Variants in IDE observed in about 807,000 individuals in gnomAD.
IDE encodes the protein insulin degrading enzyme.
A neutral mutation model predicts 133.2 loss-of-function variants in IDE; 58 were observed. That is an observed-to-expected ratio of 0.44 (90% CI 0.35 to 0.54). IDE has a LOEUF of 0.54. Ranked by LOEUF, IDE falls within the 20% of genes least tolerant of loss-of-function variation. The probability of loss-of-function intolerance (pLI) is 0.00; values close to 1 mark genes in which losing one functional copy is unlikely to be tolerated. For synonymous variants in IDE, 396 were observed against 421.3 expected (o/e 0.94, Z 0.73); for missense variants, 981 against 1,234.0 (o/e 0.79, Z 3.07).
In IDE at chr10:92,534,599, T is replaced by C. The variant is rs776329082; in HGVS notation, c.470A>G (p.His157Arg). 3 of 1,613,162 alleles carry C rather than the reference T, an allele frequency of 1.9e-6. No individual in the cohort carries two copies. The highest frequency in any genetic ancestry group is 2.5e-6 in the Non-Finnish European group (3 of 1,179,234). Residue 157 changes from histidine (H) to arginine (R), a missense_variant, in exon 3 of 25, where the codon CAC becomes CGC. Physicochemically the swap from His to Arg is conservative, Grantham distance 29. Transcript: ENST00000265986. ...TTACCTGTCTAGGGCACCTTCTAGG[T>C]GTTCATGAGAAACATCAAAATAGTA... ...TNYYFDVSHE[H>R]LEGALDRFAQ...
rs1847281368 is a variant in IDE at position 92,490,551 on chromosome 10, G to A, written c.1475C>T (p.Thr492Ile). ...SKSFEGKTDR[T>I]EEWYGTQYKQ... is the part of the protein sequence containing the mutation. Reference sequence around the variant, plus strand: ...GTACTGGGTTCCATACCACTCTTCTGTGCGATCAGTTTTTCCTTCAAAAGA... The same window carrying A: ...GTACTGGGTTCCATACCACTCTTCTATGCGATCAGTTTTTCCTTCAAAAGA... The change falls in exon 12 of 25, where the codon ACA becomes ATA. Residue 492 changes from threonine (T) to isoleucine (I), a missense_variant. Physicochemically the swap from Thr to Ile is moderately conservative, Grantham distance 89. Around this residue, in one of 2 missense-constraint regions of IDE, gnomAD observed 660 missense variants for 894.7 expected, o/e 0.74. Coordinates refer to ENST00000265986, the MANE Select transcript of IDE (RefSeq NM_004969.4). 6.2e-7 allele frequency: 1 copy of A among 1,613,066 alleles called. No homozygotes were observed. The highest frequency in any genetic ancestry group is 8.5e-7 in the Non-Finnish European group (1 of 1,179,270).
intron 17 of IDE, chr10:92,474,554 A>G (rs989062294): frequency 5.0e-6 from 1 of 198,454 alleles, no homozygotes; most frequent in African/African-American, 2.3e-5. Context: ...ATATACATAT[A>G]ATGTATAGTG....
intron 11 of IDE, among the ~76,000 whole-genome samples, chr10:92,494,767 C>T (rs111671425): frequency 1.3e-5 from 2 of 152,296 alleles, no homozygotes; most frequent in Admixed American, 6.5e-5. Flanking sequence ...AACAAAAGGT[C>T]TCCTGACTAC....
chr10:92,526,568 G>T (rs2135640423), intron 4 of IDE, among the ~76,000 whole-genome samples: 1 of 152,230 alleles, frequency 6.6e-6, no homozygotes, highest in African/African-American at 2.4e-5. Context: ...TTAAGAGGCT[G>T]GGCATGATGG....
chr10:92,514,773 C>T, intron 5 of IDE, 147 bp downstream of exon 5: 1 of 592,240 alleles, frequency 1.7e-6, no homozygotes, highest in South Asian at 3.3e-5. Context: ...AAATCCCCAC[C>T]TATGTATTCT....
At chr10:92,483,404 A>T in intron 13 of IDE, 67 bp from the exon 14 acceptor site, 1 of 842,104 alleles carries the variant, frequency 1.2e-6, no homozygotes, top group Non-Finnish European at 2.0e-6. Flanking sequence ...CAATCAAATC[A>T]CTCTTCAAGA....
intron 1 of IDE, among the ~76,000 whole-genome samples, chr10:92,567,705 G>A (rs1843620040): frequency 1.3e-5 from 2 of 152,156 alleles, no homozygotes; most frequent in Admixed American, 1.3e-4. Context: ...TGGTTGTGGT[G>A]GCTTATGCCT....
intron 1 of IDE, among the ~76,000 whole-genome samples, chr10:92,571,074 G>T (rs1401096697): frequency 4.0e-5 from 6 of 151,520 alleles, no homozygotes; most frequent in African/African-American, 1.5e-4. Context: ...CCGCCTCCTG[G>T]GTTCAAGCGA....
intron 17 of IDE, among the ~76,000 whole-genome samples, chr10:92,473,607 T>G (rs1846094844): frequency 6.6e-6 from 1 of 151,480 alleles, no homozygotes; most frequent in Non-Finnish European, 1.5e-5. Flanking sequence ...TGAACTGATC[T>G]AAGGATGCTA....
chr10:92,569,835 C>A (rs75798317), intron 1 of IDE, among the ~76,000 whole-genome samples: 4,786 of 152,210 alleles, frequency 0.031, 127 homozygotes, highest in Admixed American at 0.059. Flanking sequence ...TTATTCCGAG[C>A]GCAGTGGCTC....
intron 6 of IDE, among the ~76,000 whole-genome samples, chr10:92,509,403 G>A (rs1465864910): frequency 6.6e-6 from 1 of 152,020 alleles, no homozygotes; most frequent in East Asian, 1.9e-4. Flanking sequence ...CCTCAGCCTG[G>A]CCAACATGGT....
rs1845645277 is a variant in IDE at position 92,465,667 on chromosome 10, T to C, written c.2488+9A>G. On this transcript the variant is annotated intron_variant, in intron 20 of 24. Transcript: ENST00000265986. ...ACAGTACCCTGCTATTTCCCCACTT[T>C]CCTCTCACCCAACTGCTCCTTGGTG... 6.2e-7 allele frequency: 1 copy of C among 1,606,638 alleles called. No homozygotes were observed.
intron 14 of IDE, chr10:92,479,647 G>C: frequency 2.4e-6 from 1 of 417,184 alleles, no homozygotes; most frequent in South Asian, 4.1e-5. Context: ...GCGTGTGTGC[G>C]TGCGCACTGG....
intron 1 of IDE, among the ~76,000 whole-genome samples, chr10:92,548,564 AATC>A (rs1842640079): frequency 6.6e-6 from 1 of 151,998 alleles, no homozygotes; most frequent in Non-Finnish European, 1.5e-5. Context: ...ATTATTATAA[AATC>A]ATCATCATTA....
At chr10:92,525,247 T>C (rs1849563339) in intron 4 of IDE, among the ~76,000 whole-genome samples, 1 of 152,106 alleles carries the variant, frequency 6.6e-6, no homozygotes, top group Admixed American at 6.6e-5. Context: ...AGTGAGACTG[T>C]CTCAAAACAA....
At chr10:92,521,242 G>C (rs1281640236) in intron 4 of IDE, among the ~76,000 whole-genome samples, 1 of 152,138 alleles carries the variant, frequency 6.6e-6, no homozygotes, top group African/African-American at 2.4e-5. Context: ...TAAATGACCA[G>C]ACATTGTATG....
chr10:92,481,746 C>G (rs1391941297), intron 14 of IDE, among the ~76,000 whole-genome samples: 1 of 152,154 alleles, frequency 6.6e-6, no homozygotes, highest in East Asian at 1.9e-4. Context: ...TCTAGGAAGA[C>G]AGACCAGAGG....
chr10:92,456,112 G>A (rs1477123615), intron 23 of IDE, among the ~76,000 whole-genome samples: 2 of 152,206 alleles, frequency 1.3e-5, no homozygotes, highest in Non-Finnish European at 2.9e-5. Flanking sequence ...CCTGTTTGGA[G>A]ACACCCCAAC....
In IDE at chr10:92,453,798, G is replaced by T. The variant is rs1316923007; in HGVS notation, c.*646C>A. On this transcript the variant is annotated 3_prime_UTR_variant, in exon 25 of 25. Coordinates refer to ENST00000265986, the MANE Select transcript of IDE (RefSeq NM_004969.4). ...AAATTCGGTTTAGGACAAAATTGAT[G>T]TAAGGTAAGTCTGTATTTCTAGCAT... The T allele has an allele frequency of 6.6e-6, 1 of 152,138 alleles. No homozygotes were observed. The highest frequency in any genetic ancestry group is 1.5e-5 in the Non-Finnish European group (1 of 68,014). 9.4% of individuals were successfully genotyped at this position (152,138 alleles called of 1,614,324 possible). A position where few individuals can be genotyped will look rare whatever the true frequency, so the allele number is the denominator to read the frequency against.
Sources: gnomAD v4.1 joint callset for allele counts (sites outside exome capture counted in the v4.1 genomes callset) on GRCh38, gnomAD v4.1.1 for gene constraint, gnomAD v4.1.1 regional missense constraint, MANE v1.5 for transcripts, NCBI Gene and HGNC (gene_info 2026-07-23, HGNC 2026-07-21) for gene names.